The following PCDH17 variants were observed in gnomAD, a reference collection of about 807,000 sequenced individuals.
PCDH17 encodes the protein protocadherin-17.
Under a neutral mutation model 67.7 loss-of-function variants are expected in PCDH17, and 21 were observed. The ratio of observed to expected loss-of-function variants is 0.31; its 90% confidence interval spans 0.22 to 0.45. The LOEUF (loss-of-function observed/expected upper bound fraction) is 0.45, where lower values mean the gene tolerates loss of function less well. PCDH17 is among the 20% of genes least tolerant of loss of function. The pLI, the probability that PCDH17 is intolerant of heterozygous loss-of-function variation, is 1.00. For synonymous variants in PCDH17, 701 were observed against 656.7 expected (o/e 1.07, Z -1.03); for missense variants, 1,471 against 1,564.8 (o/e 0.94, Z 1.01).
intron 3 of PCDH17, among the ~76,000 whole-genome samples, chr13:57,714,055 T>C (rs1383469265): frequency 2.0e-5 from 3 of 151,610 alleles, no homozygotes; most frequent in Admixed American, 6.6e-5. Flanking sequence ...AACTAGAATG[T>C]CATTAAAAAT....
At chr13:57,635,180 G>A in intron 1 of PCDH17, 69 bp downstream of exon 1, 20 of 1,521,238 alleles carry the variant, frequency 1.3e-5, no homozygotes, top group Middle Eastern at 1.8e-4. Flanking sequence ...GAAACCTTTG[G>A]AACAGGGCAA....
intron 1 of PCDH17, among the ~76,000 whole-genome samples, chr13:57,640,334 C>T (rs915584384): frequency 3.3e-5 from 5 of 151,776 alleles, no homozygotes; most frequent in Non-Finnish European, 5.9e-5. Flanking sequence ...TGAAATTTGG[C>T]TATGCCTGTA....
At chr13:57,709,110 A>AT (rs1955749524) in intron 3 of PCDH17, among the ~76,000 whole-genome samples, 1 of 149,124 alleles carries the variant, frequency 6.7e-6, no homozygotes, top group East Asian at 2.0e-4. Flanking sequence ...ATATGTATAA[A>AT]ATATATATAT....
chr13:57,722,753 G>A (rs563473572), intron 3 of PCDH17, among the ~76,000 whole-genome samples: 1 of 152,110 alleles, frequency 6.6e-6, no homozygotes, highest in African/African-American at 2.4e-5. Flanking sequence ...GTAGCTGCAT[G>A]CACCACCTCA....
chr13:57,644,378 A>C (rs1276225985), intron 1 of PCDH17, among the ~76,000 whole-genome samples: 3 of 151,696 alleles, frequency 2.0e-5, no homozygotes, highest in African/African-American at 7.2e-5. Flanking sequence ...GAATACATTT[A>C]TAGAGACTTT....
chr13:57,702,622 C>G (rs1955677846), intron 3 of PCDH17, among the ~76,000 whole-genome samples: 1 of 152,108 alleles, frequency 6.6e-6, no homozygotes, highest in African/African-American at 2.4e-5. Context: ...ATTCTCAACT[C>G]CTCAAACAAA....
At chr13:57,701,358 T>C (rs1176913339) in intron 3 of PCDH17, among the ~76,000 whole-genome samples, 1 of 152,082 alleles carries the variant, frequency 6.6e-6, no homozygotes, top group African/African-American at 2.4e-5. Flanking sequence ...AGATATGAGA[T>C]ACTGTTCTAA....
chr13:57,633,038 T>C lies in PCDH17; in HGVS notation c.492T>C (p.Asn164=), dbSNP rs765592863. 2.5e-6 allele frequency: 4 copies of C among 1,612,658 alleles called. No individual in the cohort carries two copies. The highest frequency in any genetic ancestry group is 2.7e-5 in the African/African-American group (2 of 74,808). ...CACATGACCCCGACGCCGGCGAGAA[T>C]GGGCTCCGCACCTACCTGCTCACGC... The part of the protein sequence containing the change: ...TSAHDPDAGE[N]GLRTYLLTRD... Residue 164 remains asparagine, a synonymous_variant, in exon 1 of 4, where the codon AAT becomes AAC. Transcript: ENST00000377918. This position sits in a 1 kb window ranked among gnomAD's most constrained non-coding sequence, Gnocchi z 6.2.
intron 3 of PCDH17, among the ~76,000 whole-genome samples, chr13:57,684,592 C>A (rs2138053079): frequency 6.6e-6 from 1 of 151,928 alleles, no homozygotes; most frequent in South Asian, 2.1e-4. Flanking sequence ...TATTTATCAA[C>A]CTAATTATTT....
chr13:57,693,315 C>CATATATATATATAAATAT (rs1955576589), intron 3 of PCDH17, among the ~76,000 whole-genome samples: 1 of 89,360 alleles, frequency 1.1e-5, no homozygotes, highest in Non-Finnish European at 2.2e-5. Context: ...CACTTACATT[C>CATATATATATATAAATAT]ATATATATAT....
chr13:57,646,662 G>A (rs1249615079), intron 1 of PCDH17, among the ~76,000 whole-genome samples: 1 of 151,746 alleles, frequency 6.6e-6, no homozygotes, highest in Non-Finnish European at 1.5e-5. Flanking sequence ...GCATAGAAAT[G>A]TAATTTAAAA....
intron 3 of PCDH17, among the ~76,000 whole-genome samples, chr13:57,706,518 A>ACT (rs1955723196): frequency 1.3e-5 from 2 of 152,142 alleles, no homozygotes; most frequent in African/African-American, 4.8e-5. Flanking sequence ...GGTGGCTTAA[A>ACT]ACAAGAGAAA....
intron 1 of PCDH17, among the ~76,000 whole-genome samples, chr13:57,648,759 A>G (rs539197983): frequency 5.9e-5 from 9 of 151,990 alleles, no homozygotes; most frequent in Non-Finnish European, 1.2e-4. Context: ...ACAACATTCA[A>G]TTACACTAAA....
chr13:57,694,290 A>G (rs1299266448), intron 3 of PCDH17, among the ~76,000 whole-genome samples: 1 of 151,308 alleles, frequency 6.6e-6, no homozygotes, highest in African/African-American at 2.4e-5. Flanking sequence ...AAATTGCTAC[A>G]TTATAATAGC....
At chr13:57,681,574 G>A (rs1955450921) in intron 3 of PCDH17, among the ~76,000 whole-genome samples, 2 of 151,592 alleles carry the variant, frequency 1.3e-5, no homozygotes, top group Admixed American at 6.6e-5. Context: ...AGTTAACCCT[G>A]GTCAGTCTTA....
intron 1 of PCDH17, among the ~76,000 whole-genome samples, chr13:57,644,251 G>GGACATTTT (rs1292118308): frequency 6.6e-6 from 1 of 151,560 alleles, no homozygotes; most frequent in East Asian, 1.9e-4. Flanking sequence ...CCCACTCACA[G>GGACATTTT]GACATTTTAA....
At chr13:57,701,707 C>A (rs1444689717) in intron 3 of PCDH17, among the ~76,000 whole-genome samples, 1 of 151,870 alleles carries the variant, frequency 6.6e-6, no homozygotes, top group Non-Finnish European at 1.5e-5. Flanking sequence ...GATAGGTGAC[C>A]AGTGGTTCTA....
At chr13:57,667,843 C>T (rs1955272864) in intron 3 of PCDH17, among the ~76,000 whole-genome samples, 1 of 146,704 alleles carries the variant, frequency 6.8e-6, no homozygotes, top group Non-Finnish European at 1.5e-5. Flanking sequence ...ATTAATATAC[C>T]CATATATATA....
rs114582214 is a variant in PCDH17 at position 57,723,133 on chromosome 13, A to G, written c.2798-1479A>G. On this transcript the variant is annotated intron_variant, in intron 3 of 3. Transcript: ENST00000377918. ...TTAACAGTGAATATTTAATTTACTC[A>G]TAAGAAAACATTTCTTTTAAAAAAT... 4.5e-3 allele frequency among the ~76,000 whole-genome samples: 678 copies of G among 152,356 alleles called. 6 individuals are homozygous for G. Among genetic ancestry groups the G allele is most frequent in the African/African-American group, 0.016 (651 of 41,584 alleles).
Sources: allele counts gnomAD v4.1 joint callset (sites outside exome capture counted in the v4.1 genomes callset), GRCh38; gene constraint gnomAD v4.1.1; non-coding constraint Gnocchi (gnomAD v3.1); transcripts MANE v1.5; gene names NCBI Gene and HGNC (gene_info 2026-07-23, HGNC 2026-07-21).